The following RBMS3 variants were observed in gnomAD, a reference collection of about 807,000 sequenced individuals.
RBMS3 encodes the protein RNA binding motif single stranded interacting protein 3, also known as RNA-binding motif, single-stranded-interacting protein 3.
In RBMS3, 27 loss-of-function variants were observed where a neutral mutation model predicts 66.8. The observed-to-expected ratio is 0.40, with a 90% confidence interval of 0.30 to 0.56. The LOEUF is 0.56. RBMS3 is among the 20% of genes least tolerant of loss of function. The pLI is 0.40. For synonymous variants in RBMS3, 188 were observed against 183.0 expected, an observed-to-expected ratio of 1.03 and a Z score of -0.22; for missense variants, 513 against 549.5, an observed-to-expected ratio of 0.93 and a Z score of 0.66.
intron 4 of RBMS3, among the ~76,000 whole-genome samples, chr3:29,589,775 C>A (rs2047662301): frequency 1.3e-5 from 2 of 152,158 alleles, no homozygotes; most frequent in Middle Eastern, 6.8e-3. Flanking sequence ...TACTGAATCA[C>A]CTCTTGCATC....
chr3:29,953,307 A>G (rs1695805442), intron 12 of RBMS3, among the ~76,000 whole-genome samples: 1 of 151,860 alleles, frequency 6.6e-6, no homozygotes, highest in Non-Finnish European at 1.5e-5. Context: ...GTTAGACAGA[A>G]AAAGGAGATG....
At chr3:29,359,601 G>C (rs1205641117) in intron 1 of RBMS3, among the ~76,000 whole-genome samples, 2 of 152,148 alleles carry the variant, frequency 1.3e-5, no homozygotes, top group African/African-American at 4.8e-5. Context: ...CTACTGATTG[G>C]AATAGTTTCA....
At chr3:29,707,942 G>A (rs979852815) in intron 4 of RBMS3, among the ~76,000 whole-genome samples, 26 of 152,100 alleles carry the variant, frequency 1.7e-4, no homozygotes, top group Admixed American at 1.4e-3. Context: ...AAGTTTCATC[G>A]AACATCAAGT....
At chr3:29,426,786 C>T (rs1211876070) in intron 1 of RBMS3, among the ~76,000 whole-genome samples, 2 of 152,198 alleles carry the variant, frequency 1.3e-5, no homozygotes, top group East Asian at 1.9e-4. Flanking sequence ...GAGAAGGCAA[C>T]GCTCATATTG....
At chr3:29,923,552 G>T (rs576033882) in intron 10 of RBMS3, among the ~76,000 whole-genome samples, 2 of 151,930 alleles carry the variant, frequency 1.3e-5, no homozygotes, top group Non-Finnish European at 2.9e-5. Flanking sequence ...TTTGCTGACC[G>T]TTCATTTCCT....
intron 3 of RBMS3, among the ~76,000 whole-genome samples, chr3:29,528,205 C>CAGGTCCA (rs915263281): frequency 1.3e-5 from 2 of 149,958 alleles, no homozygotes; most frequent in African/African-American, 2.5e-5. Flanking sequence ...CTCCGCCTCA[C>CAGGTCCA]AGGTCCAAGC....
chr3:29,722,864 T>G (rs766554108), intron 4 of RBMS3, among the ~76,000 whole-genome samples: 1 of 152,126 alleles, frequency 6.6e-6, no homozygotes, highest in Non-Finnish European at 1.5e-5. Context: ...CTTTGATCAC[T>G]TGTTTGCGGT....
At chr3:29,803,454 C>A (rs1179623857) in intron 6 of RBMS3, among the ~76,000 whole-genome samples, 1 of 151,990 alleles carries the variant, frequency 6.6e-6, no homozygotes, top group African/African-American at 2.4e-5. Context: ...TAAATAGTTT[C>A]TATTAAGAGG....
intron 10 of RBMS3, among the ~76,000 whole-genome samples, chr3:29,923,952 C>A (rs2060862997): frequency 6.6e-6 from 1 of 152,068 alleles, no homozygotes; most frequent in Admixed American, 6.5e-5. Flanking sequence ...GTTTCCCACC[C>A]CATCTGCCTT....
chr3:29,861,238 T>C (rs1268138398), intron 6 of RBMS3, among the ~76,000 whole-genome samples: 1 of 152,220 alleles, frequency 6.6e-6, no homozygotes, highest in Admixed American at 6.5e-5. Context: ...CTTTATTTTG[T>C]CTACTCTTAT....
chr3:29,698,853 A>T (rs924532360), intron 4 of RBMS3, among the ~76,000 whole-genome samples: 4 of 152,318 alleles, frequency 2.6e-5, no homozygotes, highest in Middle Eastern at 3.4e-3. Flanking sequence ...ACCATATTAA[A>T]GACTATTATA....
At chr3:29,903,857 A>T (rs1351789689) in intron 10 of RBMS3, among the ~76,000 whole-genome samples, 1 of 151,954 alleles carries the variant, frequency 6.6e-6, no homozygotes, top group African/African-American at 2.4e-5. Context: ...ATGGCAAAAA[A>T]GTTGCAAGCA....
At chr3:29,295,362 C>T (rs1261148730) in intron 1 of RBMS3, among the ~76,000 whole-genome samples, 3 of 145,194 alleles carry the variant, frequency 2.1e-5, no homozygotes, top group East Asian at 2.0e-4. Flanking sequence ...TATATACACA[C>T]ACATATATAT....
At chr3:29,906,202 G>A (rs973067742) in intron 10 of RBMS3, among the ~76,000 whole-genome samples, 3 of 151,974 alleles carry the variant, frequency 2.0e-5, no homozygotes, top group Non-Finnish European at 4.4e-5. Context: ...GTTATTATAT[G>A]TTTTAGTTTT....
intron 2 of RBMS3, among the ~76,000 whole-genome samples, chr3:29,441,974 C>T (rs1247023370): frequency 6.6e-6 from 1 of 152,058 alleles, no homozygotes; most frequent in Non-Finnish European, 1.5e-5. Flanking sequence ...ATTTGATTTT[C>T]TGATAACAAA....
chr3:29,502,914 A>G (rs998709766), intron 3 of RBMS3, among the ~76,000 whole-genome samples: 1 of 152,076 alleles, frequency 6.6e-6, no homozygotes, highest in Non-Finnish European at 1.5e-5. Context: ...GTTTCAGAGC[A>G]AATGCTCTCT....
chr3:29,663,195 T>A (rs1181001459), intron 4 of RBMS3, among the ~76,000 whole-genome samples: 2 of 152,222 alleles, frequency 1.3e-5, no homozygotes, highest in African/African-American at 4.8e-5. Flanking sequence ...TAAATTTTTT[T>A]AAATGGCTTT....
intron 10 of RBMS3, among the ~76,000 whole-genome samples, chr3:29,912,491 T>G (rs543139718): frequency 2.0e-5 from 3 of 152,218 alleles, no homozygotes; most frequent in South Asian, 2.1e-4. Flanking sequence ...TTAGGAAAAT[T>G]TCTCTTATGT....
intron 3 of RBMS3, among the ~76,000 whole-genome samples, chr3:29,541,443 T>C (rs76692010): frequency 0.022 from 3,279 of 148,518 alleles, 110 homozygotes; most frequent in African/African-American, 0.078. Flanking sequence ...CTTTTTTTCA[T>C]TGATGCCCTT....
Sources: allele counts gnomAD v4.1 joint callset (sites outside exome capture counted in the v4.1 genomes callset), GRCh38; gene constraint gnomAD v4.1.1; transcripts MANE v1.5; gene names NCBI Gene and HGNC (gene_info 2026-07-23, HGNC 2026-07-21).